Variants in PLXNA2 observed in about 807,000 individuals in gnomAD.
PLXNA2 encodes plexin-A2.
A neutral mutation model predicts 193.5 loss-of-function variants in PLXNA2; 91 were observed. The ratio of observed to expected loss-of-function variants is 0.47; its 90% confidence interval spans 0.40 to 0.56. The LOEUF (loss-of-function observed/expected upper bound fraction) is 0.56. Ranked by LOEUF, PLXNA2 falls within the 20% of genes least tolerant of loss-of-function variation. The pLI, the probability that PLXNA2 is intolerant of heterozygous loss-of-function variation, is 0.00. For synonymous variants in PLXNA2, 997 were observed against 1,027.3 expected, an observed-to-expected ratio of 0.97 and a Z score of 0.56; for missense variants, 1,995 against 2,503.2, an observed-to-expected ratio of 0.80 and a Z score of 4.33.
intron 3 of PLXNA2, among the ~76,000 whole-genome samples, chr1:208,174,179 G>C (rs530887843): frequency 1.9e-4 from 29 of 152,312 alleles, no homozygotes; most frequent in Non-Finnish European, 3.8e-4. Context: ...GTCATGGAGG[G>C]GTCCTGCCCA....
At chr1:208,216,619 A>T in intron 2 of PLXNA2, 116 bp downstream of exon 2, 3 of 1,239,714 alleles carry the variant, frequency 2.4e-6, no homozygotes, top group Non-Finnish European at 3.3e-6. Context: ...GAGTCTGAAA[A>T]CCTCTTTCAT....
intron 2 of PLXNA2, among the ~76,000 whole-genome samples, chr1:208,211,416 G>C (rs544359032): frequency 1.0e-3 from 156 of 152,262 alleles, no homozygotes; most frequent in African/African-American, 3.6e-3. Flanking sequence ...AATTGTGGCC[G>C]GGCACGGTGG....
At chr1:208,215,861 A>G (rs1310575648) in intron 2 of PLXNA2, among the ~76,000 whole-genome samples, 8 of 152,142 alleles carry the variant, frequency 5.3e-5, no homozygotes, top group African/African-American at 1.9e-4. Flanking sequence ...AGTGCTTGCC[A>G]CTGATTTTCT....
At chr1:208,078,761 G>T (rs959858044) in intron 12 of PLXNA2, among the ~76,000 whole-genome samples, 29 of 152,144 alleles carry the variant, frequency 1.9e-4, no homozygotes, top group African/African-American at 7.0e-4. Context: ...CCATTAAAAT[G>T]CATGAAAAAA....
rs931067249 is a variant in PLXNA2, at chr1:208,038,266, CA to C, written c.4764+104del. ...CTATGCTCCAGCAGGAGGAGGAAAG[CA>C]GGGAGAGGAAAATCCTTTTTAGACT... On this transcript the variant is annotated intron_variant, in intron 26 of 31. Coordinates refer to ENST00000367033, the MANE Select transcript of PLXNA2 (RefSeq NM_025179.4). This position sits in a 1 kb window ranked among gnomAD's most constrained non-coding sequence, Gnocchi z 4.1. The C allele has an allele frequency of 3.5e-5, 27 of 777,864 alleles. No homozygotes were observed. The highest frequency in any genetic ancestry group is 5.5e-5 in the Non-Finnish European group (24 of 435,426). 48.2% of individuals were successfully genotyped at this position (777,864 alleles called of 1,614,324 possible). A position where few individuals can be genotyped will look rare whatever the true frequency, so the allele number is the denominator to read the frequency against.
At chr1:208,040,372 A>C (rs931954743) in intron 22 of PLXNA2, 7 of 355,670 alleles carry the variant, frequency 2.0e-5, no homozygotes, top group Non-Finnish European at 3.6e-5. Flanking sequence ...TCACTATCCC[A>C]CAGGGCTATA....
At chr1:208,239,881 G>T (rs1412193519) in intron 1 of PLXNA2, among the ~76,000 whole-genome samples, 1 of 152,224 alleles carries the variant, frequency 6.6e-6, no homozygotes, top group Non-Finnish European at 1.5e-5. Flanking sequence ...GGTGAGTGGG[G>T]GTCAGTGGCT....
intron 13 of PLXNA2, among the ~76,000 whole-genome samples, chr1:208,057,574 A>G (rs1035374395): frequency 3.3e-5 from 5 of 152,182 alleles, no homozygotes; most frequent in Admixed American, 3.3e-4. Flanking sequence ...ACCTCCTTCA[A>G]GCCTTGCAAG....
rs774373441 is a variant in PLXNA2, at chr1:208,052,315, A to C, written c.2993+12T>G. On this transcript the variant is annotated intron_variant, in intron 15 of 31. Transcript: ENST00000367033. ...TGTGCAGTCTTCTGGTGGCCCTTCA[A>C]GTTTATCTCACCCGTAGAACTCGCA... 1 of 1,611,688 alleles carries C rather than the reference A, an allele frequency of 6.2e-7. No individual in the cohort carries two copies. Among genetic ancestry groups the C allele is most frequent in the Non-Finnish European group, 8.5e-7 (1 of 1,179,884 alleles).
intron 3 of PLXNA2, among the ~76,000 whole-genome samples, chr1:208,175,846 C>T (rs1669647485): frequency 6.6e-6 from 1 of 152,174 alleles, no homozygotes; most frequent in Middle Eastern, 3.2e-3. Context: ...AGAAGACAGG[C>T]TGGTTCAAAC....
chr1:208,138,468 T>A (rs1237398625), intron 4 of PLXNA2, among the ~76,000 whole-genome samples: 1 of 152,208 alleles, frequency 6.6e-6, no homozygotes, highest in Non-Finnish European at 1.5e-5. Flanking sequence ...GGCAACCCCA[T>A]CATAAGTCGA....
At chr1:208,131,822 T>A (rs1413435964) in intron 4 of PLXNA2, among the ~76,000 whole-genome samples, 1 of 151,980 alleles carries the variant, frequency 6.6e-6, no homozygotes. Flanking sequence ...CCCGCTGGGG[T>A]CTCTGCATGG....
chr1:208,070,649 G>C (rs1665948163), intron 12 of PLXNA2, among the ~76,000 whole-genome samples: 1 of 152,188 alleles, frequency 6.6e-6, no homozygotes, highest in Admixed American at 6.5e-5. Context: ...GCTAGCTGCA[G>C]GTCAAATTTC....
chr1:208,106,113 C>G (rs1022806165), intron 4 of PLXNA2, among the ~76,000 whole-genome samples: 1 of 146,092 alleles, frequency 6.8e-6, no homozygotes, highest in African/African-American at 2.5e-5. Flanking sequence ...CAAAGTGAAA[C>G]AGGAAACTTG....
rs188263156 is a variant in PLXNA2, at chr1:208,206,137, G to A, written c.1371+4143C>T. Reference sequence around the variant, plus strand: ...ATAAGTGCTCAGTAAATTATGTTATGTAAAGACAGCTGTTCTATGTCCTGC... The same window carrying A: ...ATAAGTGCTCAGTAAATTATGTTATATAAAGACAGCTGTTCTATGTCCTGC... On this transcript the variant is annotated intron_variant, in intron 3 of 31. Transcript: ENST00000367033. Among the ~76,000 whole-genome samples the A allele has an allele frequency of 6.2e-4, 94 of 152,278 alleles. 1 individual carries two copies. The highest frequency in any genetic ancestry group is 7.8e-4 in the Non-Finnish European group (53 of 68,022).
intron 3 of PLXNA2, among the ~76,000 whole-genome samples, chr1:208,203,334 G>C (rs766855889): frequency 6.6e-6 from 1 of 152,196 alleles, no homozygotes; most frequent in Non-Finnish European, 1.5e-5. Flanking sequence ...GGGAAGGGGA[G>C]AGGGTCTCTA....
chr1:208,054,319 G>A, intron 14 of PLXNA2, 102 bp downstream of exon 14: 1 of 755,122 alleles, frequency 1.3e-6, no homozygotes, highest in South Asian at 1.7e-5. Flanking sequence ...TGGTCTGCAA[G>A]AAGCCTGGTG....
At chr1:208,186,306 T>G (rs1399662504) in intron 3 of PLXNA2, among the ~76,000 whole-genome samples, 2 of 152,104 alleles carry the variant, frequency 1.3e-5, no homozygotes, top group East Asian at 3.8e-4. Flanking sequence ...TTTCCTTTTC[T>G]TGATTTTTAA....
Position 208,028,039 on chromosome 1 carries a change from G to C in PLXNA2, c.5559C>G (p.Ile1853Met). Residue 1853 changes from isoleucine (I) to methionine (M), a missense_variant, in exon 31 of 32, where the codon ATC becomes ATG. By Grantham distance (10) the Ile-to-Met change is conservative. Transcript: ENST00000367033. This position sits in a 1 kb window ranked among gnomAD's most constrained non-coding sequence, Gnocchi z 4.2. ...EFNMLSALNEIYSYVSKYSEE... is the reference protein window; with the variant it reads ...EFNMLSALNEMYSYVSKYSEE... Reference sequence around the variant, plus strand: ...CACTATACTTGCTGACATAGGAGTAGATCTCATTGAGGGCACTCAGCATGT... The same window carrying C: ...CACTATACTTGCTGACATAGGAGTACATCTCATTGAGGGCACTCAGCATGT... The C allele has an allele frequency of 6.2e-7, 1 of 1,612,320 alleles. No homozygotes were observed. The highest frequency in any genetic ancestry group is 8.5e-7 in the Non-Finnish European group (1 of 1,179,206).
Sources: allele counts gnomAD v4.1 joint callset (sites outside exome capture counted in the v4.1 genomes callset), GRCh38; gene constraint gnomAD v4.1.1; non-coding constraint Gnocchi (gnomAD v3.1); transcripts MANE v1.5; gene names NCBI Gene and HGNC (gene_info 2026-07-23, HGNC 2026-07-21).